The following VOPP1 variants were observed in gnomAD, a reference collection of about 807,000 sequenced individuals.
VOPP1 encodes the protein VOPP1 WW domain binding protein.
VOPP1 carries 8 observed loss-of-function variants against 23.5 expected under a neutral mutation model. The ratio of observed to expected loss-of-function variants is 0.34; its 90% CI spans 0.20 to 0.61. VOPP1 has a LOEUF of 0.61. VOPP1 is among the 20% of genes least tolerant of loss of function. VOPP1 has a pLI of 0.78. For missense variants in VOPP1, 174 were observed against 238.1 expected, an observed-to-expected ratio of 0.73 and a Z score of 1.77; for synonymous variants, 83 against 97.3, an observed-to-expected ratio of 0.85 and a Z score of 0.86.
chr7:55,513,695 G>A (rs1795227235), intron 2 of VOPP1, among the ~76,000 whole-genome samples: 1 of 152,166 alleles, frequency 6.6e-6, no homozygotes, highest in Non-Finnish European at 1.5e-5. Flanking sequence ...ACTAGATGAG[G>A]ATGGTCTTAG....
rs186373308 is a variant in VOPP1 at position 55,525,704 on chromosome 7, C to T, written c.55-4574G>A. On this transcript the variant is annotated intron_variant, in intron 1 of 4. Coordinates refer to ENST00000285279, the MANE Select transcript of VOPP1 (RefSeq NM_030796.5). ...GCAGAAGCAATGCTACCAAACCTCT[C>T]GAGAACAAAGGTTCTAAATATGTAA... Among the ~76,000 whole-genome samples the T allele has an allele frequency of 4.0e-5, 6 of 148,188 alleles. No homozygotes were observed. The East Asian group carries it at 8.0e-4, about 20-fold the overall frequency.
chr7:55,535,547 C>T (rs1796736797), intron 1 of VOPP1, among the ~76,000 whole-genome samples: 1 of 152,240 alleles, frequency 6.6e-6, no homozygotes, highest in South Asian at 2.1e-4. Flanking sequence ...TCCATCCATG[C>T]ACCTCTAGAG....
chr7:55,485,983 C>A (rs973794779), intron 4 of VOPP1, among the ~76,000 whole-genome samples: 15 of 152,328 alleles, frequency 9.8e-5, no homozygotes, highest in African/African-American at 3.4e-4. Context: ...GGGCGGGGGA[C>A]CTGTCAGACC....
At chr7:55,526,456 G>A (rs370462178) in intron 1 of VOPP1, among the ~76,000 whole-genome samples, 122 of 152,304 alleles carry the variant, frequency 8.0e-4, no homozygotes, top group African/African-American at 2.6e-3. Flanking sequence ...GAGGAAGGAC[G>A]CAGGACAACA....
intron 4 of VOPP1, 134 bp downstream of exon 4, chr7:55,492,148 A>C: frequency 7.8e-7 from 1 of 1,285,462 alleles, no homozygotes; most frequent in Non-Finnish European, 1.0e-6. Flanking sequence ...GGAGCTGGTC[A>C]TCAGAACTAA....
intron 4 of VOPP1, among the ~76,000 whole-genome samples, chr7:55,440,885 A>T (rs1231362706): frequency 6.6e-6 from 1 of 152,130 alleles, no homozygotes; most frequent in Non-Finnish European, 1.5e-5. Flanking sequence ...TCACACATGG[A>T]GCAGAACATC....
At chr7:55,498,539 C>G (rs766471712) in intron 2 of VOPP1, among the ~76,000 whole-genome samples, 2 of 152,188 alleles carry the variant, frequency 1.3e-5, no homozygotes, top group East Asian at 3.9e-4. Context: ...AAGTGCAAAC[C>G]CTTCCGTTTT....
intron 2 of VOPP1, 87 bp from the exon 3 acceptor site, chr7:55,497,777 T>C: frequency 8.5e-7 from 1 of 1,173,416 alleles, no homozygotes; most frequent in Non-Finnish European, 1.3e-6. Context: ...TTCAATGTAA[T>C]CATTCTTGAA....
chr7:55,445,992 T>C (rs1791090786), intron 4 of VOPP1, among the ~76,000 whole-genome samples: 2 of 17,818 alleles, frequency 1.1e-4, no homozygotes, highest in Non-Finnish European at 3.3e-4. Flanking sequence ...CAGGTGAAAC[T>C]TTTTTTTTTT....
At chr7:55,497,589 G>A (rs760576880) in intron 3 of VOPP1, 24 bp downstream of exon 3, 2 of 1,530,132 alleles carry the variant, frequency 1.3e-6, no homozygotes, top group Non-Finnish European at 1.8e-6. Context: ...TCGGGGTAGG[G>A]AACAAGGAGG....
intron 4 of VOPP1, among the ~76,000 whole-genome samples, chr7:55,488,720 C>T (rs906473922): frequency 6.6e-6 from 1 of 151,766 alleles, no homozygotes; most frequent in Non-Finnish European, 1.5e-5. Flanking sequence ...CTCTAAATCC[C>T]TCTGCTTTTT....
At chr7:55,446,149 C>A (rs368659149) in intron 4 of VOPP1, among the ~76,000 whole-genome samples, 1 of 152,100 alleles carries the variant, frequency 6.6e-6, no homozygotes, top group Admixed American at 6.5e-5. Context: ...CCCGCCACCA[C>A]GCCCAGATAA....
intron 2 of VOPP1, among the ~76,000 whole-genome samples, chr7:55,518,325 G>A (rs1795606084): frequency 6.6e-6 from 1 of 152,188 alleles, no homozygotes; most frequent in Non-Finnish European, 1.5e-5. Context: ...GGTTAATTCT[G>A]TTCTTTGAAT....
At chr7:55,523,242 C>T (rs1795981354) in intron 1 of VOPP1, among the ~76,000 whole-genome samples, 1 of 152,212 alleles carries the variant, frequency 6.6e-6, no homozygotes, top group African/African-American at 2.4e-5. Context: ...AAAACAAAAA[C>T]ATACGTCCAG....
At chr7:55,467,895 G>C (rs1163480178), downstream of VOPP1, among the ~76,000 whole-genome samples, 2 of 152,256 alleles carry the variant, frequency 1.3e-5, no homozygotes, top group Non-Finnish European at 2.9e-5. Context: ...CAGGATTCCA[G>C]TATATAAAAC....
At chr7:55,447,671 G>A (rs927685946) in intron 4 of VOPP1, among the ~76,000 whole-genome samples, 1 of 152,080 alleles carries the variant, frequency 6.6e-6, no homozygotes, top group African/African-American at 2.4e-5. Context: ...ATAAATATAC[G>A]TGTACATATA....
intron 3 of VOPP1, 78 bp from the exon 4 acceptor site, chr7:55,492,496 A>G: frequency 1.3e-6 from 2 of 1,486,920 alleles, no homozygotes; most frequent in South Asian, 2.7e-5. Flanking sequence ...CAAAGGCCTC[A>G]TGCACTCCTC....
At chr7:55,538,182 C>T (rs181601310) in intron 1 of VOPP1, among the ~76,000 whole-genome samples, 6 of 152,184 alleles carry the variant, frequency 3.9e-5, no homozygotes, top group Non-Finnish European at 8.8e-5. Flanking sequence ...TTCTGGAACA[C>T]GAAGTATTGC....
intron 1 of VOPP1, among the ~76,000 whole-genome samples, chr7:55,545,332 A>G (rs987155703): frequency 6.6e-6 from 1 of 152,228 alleles, no homozygotes; most frequent in Non-Finnish European, 1.5e-5. Context: ...GGGGCATCCC[A>G]CTGAGTCACT....
Sources: allele counts gnomAD v4.1 joint callset (sites outside exome capture counted in the v4.1 genomes callset), GRCh38; gene constraint gnomAD v4.1.1; transcripts MANE v1.5; gene names NCBI Gene and HGNC (gene_info 2026-07-23, HGNC 2026-07-21).